CASK: variants seen among roughly 807,000 people sequenced by gnomAD.
CASK encodes peripheral plasma membrane protein CASK.
Under a neutral mutation model 82.9 loss-of-function variants are expected in CASK, and 4 were observed. That is an observed-to-expected ratio of 0.05 (90% CI 0.02 to 0.11). The LOEUF (loss-of-function observed/expected upper bound fraction) is 0.11. Among genes scored for constraint, CASK ranks in the 10% least tolerant of loss-of-function variants. The probability of loss-of-function intolerance (pLI) is 1.00; values close to 1 mark genes in which losing one functional copy is unlikely to be tolerated. For synonymous variants in CASK, 259 were observed against 253.5 expected (o/e 1.02, Z -0.20); for missense variants, 358 against 720.9 (o/e 0.50, Z 5.76).
intron 2 of CASK, among the ~76,000 whole-genome samples, chrX:41,804,950 T>C (rs1015957788): frequency 8.9e-6 from 1 of 112,269 alleles, no homozygotes; most frequent in Non-Finnish European, 1.9e-5. Flanking sequence ...CTCTAATAAA[T>C]ACAATGCTCT....
At chrX:41,830,828 A>AC (rs1393966775) in intron 2 of CASK, among the ~76,000 whole-genome samples, 8 of 109,134 alleles carry the variant, frequency 7.3e-5, no homozygotes, top group Non-Finnish European at 1.1e-4. Flanking sequence ...AAAAAAAAAA[A>AC]AAAAAAAACA....
At chrX:41,899,327 T>C (rs1383020146) in intron 1 of CASK, among the ~76,000 whole-genome samples, 1 of 111,686 alleles carries the variant, frequency 9.0e-6, no homozygotes, top group Non-Finnish European at 1.9e-5. Flanking sequence ...GAGTTTCTTG[T>C]AGGTAGCATA....
chrX:41,593,919 G>A (rs1484181098), intron 12 of CASK, among the ~76,000 whole-genome samples: 5 of 112,266 alleles, frequency 4.5e-5, no homozygotes, highest in Admixed American at 9.5e-5. Flanking sequence ...AGATATGCAG[G>A]ACTCAAATTT....
chrX:41,632,042 C>T (rs968383483), intron 9 of CASK, among the ~76,000 whole-genome samples: 1 of 111,058 alleles, frequency 9.0e-6, no homozygotes, highest in Non-Finnish European at 1.9e-5. Context: ...GTGATCCTCC[C>T]ACCTCAGCCT....
At position 41,720,829 on chromosome X, in the gene CASK, C is replaced by G. The variant is rs941850488; in HGVS notation, c.429+18555G>C. ...CATGGATTGCCAAAATAAATGTCCA[C>G]ATGCCTGCCCTTTGATGATGGTATC... On this transcript the variant is annotated intron_variant, in intron 5 of 26. Coordinates refer to ENST00000378163, the MANE Select transcript of CASK (RefSeq NM_001367721.1). Among the ~76,000 whole-genome samples, 3 of 111,670 alleles carry G rather than the reference C, an allele frequency of 2.7e-5. No homozygotes were observed. In the South Asian group the frequency reaches 1.1e-3, roughly 42 times the overall value.
chrX:41,531,337 C>T, intron 24 of CASK, 128 bp from the exon 25 acceptor site: 1 of 563,494 alleles, frequency 1.8e-6, no homozygotes, highest in Non-Finnish European at 3.1e-6. Context: ...TCTCATATCC[C>T]CTGTTCTCAC....
chrX:41,679,043 G>A (rs1315433532), intron 5 of CASK, among the ~76,000 whole-genome samples: 1 of 110,464 alleles, frequency 9.1e-6, no homozygotes, highest in East Asian at 2.8e-4. Context: ...AACTGCAGTT[G>A]TGCCACTGCA....
At chrX:41,804,118 T>C (rs984689542) in intron 2 of CASK, among the ~76,000 whole-genome samples, 6 of 110,781 alleles carry the variant, frequency 5.4e-5, no homozygotes, top group Non-Finnish European at 9.5e-5. Flanking sequence ...GAGGCTGAGG[T>C]GGGTGGATCA....
intron 3 of CASK, among the ~76,000 whole-genome samples, chrX:41,775,214 A>G (rs2069332778): frequency 9.1e-6 from 1 of 110,467 alleles, no homozygotes; most frequent in Non-Finnish European, 1.9e-5. Context: ...CCCATCAAAA[A>G]GTGGGCAAAG....
intron 12 of CASK, among the ~76,000 whole-genome samples, chrX:41,599,264 G>A (rs192412952): frequency 3.6e-3 from 406 of 112,190 alleles, no homozygotes; most frequent in Middle Eastern, 0.014. Context: ...TAATAGCTTA[G>A]CAGTGAAATG....
chrX:41,686,403 C>CTTT (rs779954075), intron 5 of CASK, among the ~76,000 whole-genome samples: 1 of 94,405 alleles, frequency 1.1e-5, no homozygotes, highest in Non-Finnish European at 2.2e-5. Flanking sequence ...TTCTTTCTTT[C>CTTT]TTTTTTTTTT....
intron 1 of CASK, among the ~76,000 whole-genome samples, chrX:41,855,091 G>A (rs895930490): frequency 9.0e-6 from 1 of 111,705 alleles, no homozygotes; most frequent in Admixed American, 9.5e-5. Context: ...ATGGTCAATC[G>A]AGTCAATTCT....
At chrX:41,921,070 A>G (rs1011849684) in intron 1 of CASK, among the ~76,000 whole-genome samples, 1 of 111,925 alleles carries the variant, frequency 8.9e-6, no homozygotes, top group Non-Finnish European at 1.9e-5. Flanking sequence ...GCTACTGGGC[A>G]CCTGAAACGT....
rs780463362 is a variant in CASK, at chrX:41,609,403, C to T, written c.1155+501G>A. On this transcript the variant is annotated intron_variant, in intron 12 of 26. Transcript: ENST00000378163. ...GTGCTGGGATTACAGGCATGAGCCA[C>T]GGTGCCCGGCCATATACTGTATTTC... 1.3e-4 allele frequency among the ~76,000 whole-genome samples: 15 copies of T among 112,144 alleles called. No individual in the cohort carries two copies. The South Asian group carries it at 1.5e-3, about 11-fold the overall frequency.
chrX:41,593,658 T>C (rs1602316762), intron 12 of CASK, among the ~76,000 whole-genome samples: 1 of 112,001 alleles, frequency 8.9e-6, no homozygotes, highest in East Asian at 2.8e-4. Flanking sequence ...TGTATATGCA[T>C]AATATGTCAA....
At chrX:41,580,218 G>A (rs761461876) in intron 14 of CASK, among the ~76,000 whole-genome samples, 2 of 112,046 alleles carry the variant, frequency 1.8e-5, no homozygotes, top group African/African-American at 3.2e-5. Flanking sequence ...CATAAAAACT[G>A]GAACATTTCA....
At chrX:41,587,482 T>C (rs1327440727) in intron 13 of CASK, 1 of 112,893 alleles carries the variant, frequency 8.9e-6, no homozygotes, top group Non-Finnish European at 1.9e-5. Context: ...ACACAAGTAA[T>C]TTTTCTTTAA....
intron 1 of CASK, among the ~76,000 whole-genome samples, chrX:41,899,568 A>T (rs183740206): frequency 9.0e-6 from 1 of 110,852 alleles, no homozygotes; most frequent in African/African-American, 3.3e-5. Flanking sequence ...TCTACTACAG[A>T]TTTTTTCTTT....
intron 1 of CASK, among the ~76,000 whole-genome samples, chrX:41,921,563 G>T (rs1182631422): frequency 9.0e-6 from 1 of 111,259 alleles, no homozygotes; most frequent in Non-Finnish European, 1.9e-5. Flanking sequence ...ACTTCCACAA[G>T]CACTTTAACA....
Sources: allele counts gnomAD v4.1 joint callset (sites outside exome capture counted in the v4.1 genomes callset), GRCh38; gene constraint gnomAD v4.1.1; transcripts MANE v1.5; gene names NCBI Gene and HGNC (gene_info 2026-07-23, HGNC 2026-07-21).